Variants in LINGO1 observed in about 807,000 individuals in gnomAD.
The protein encoded by LINGO1 is leucine-rich repeat and immunoglobulin-like domain-containing nogo receptor-interacting protein 1.
LINGO1 carries 11 observed loss-of-function variants against 37.3 expected under a neutral mutation model. That is an observed-to-expected ratio of 0.29 (90% CI 0.19 to 0.49). The LOEUF is 0.49. Ranked by LOEUF, LINGO1 falls within the 20% of genes least tolerant of loss-of-function variation. The probability of loss-of-function intolerance (pLI) is 0.99; values close to 1 mark genes in which losing one functional copy is unlikely to be tolerated. For synonymous variants in LINGO1, 387 were observed against 403.0 expected, an observed-to-expected ratio of 0.96 and a Z score of 0.48; for missense variants, 585 against 878.2, an observed-to-expected ratio of 0.67 and a Z score of 4.22.
chr15:77,678,583 G>A (rs987116351), intron 2 of LINGO1, among the ~76,000 whole-genome samples: 1 of 152,186 alleles, frequency 6.6e-6, no homozygotes, highest in Non-Finnish European at 1.5e-5. Context: ...CATTTGTGTT[G>A]TTTCCAGTTT....
intron 1 of LINGO1, among the ~76,000 whole-genome samples, chr15:77,747,376 C>T (rs1444798371): frequency 6.6e-6 from 1 of 152,158 alleles, no homozygotes; most frequent in Non-Finnish European, 1.5e-5. Flanking sequence ...ATCCATCATG[C>T]TCAGCTCAGC....
intron 2 of LINGO1, among the ~76,000 whole-genome samples, chr15:77,677,377 T>C (rs1002733622): frequency 6.6e-6 from 1 of 151,978 alleles, no homozygotes; most frequent in Non-Finnish European, 1.5e-5. Flanking sequence ...CAGCCCTTAA[T>C]GGATCACACC....
intron 1 of LINGO1, among the ~76,000 whole-genome samples, chr15:77,738,309 AG>A (rs1180578784): frequency 1.3e-5 from 2 of 152,272 alleles, no homozygotes; most frequent in African/African-American, 4.8e-5. Context: ...CCCTGCCATA[AG>A]CCCATGGTAC....
chr15:77,728,519 A>G (rs2076124819), intron 2 of LINGO1, among the ~76,000 whole-genome samples: 1 of 152,104 alleles, frequency 6.6e-6, no homozygotes, highest in African/African-American at 2.4e-5. Context: ...GCCTCCAGGG[A>G]GGGGTCTGAG....
At chr15:77,646,723 G>A (rs1358819974) in intron 3 of LINGO1, among the ~76,000 whole-genome samples, 2 of 152,240 alleles carry the variant, frequency 1.3e-5, no homozygotes, top group African/African-American at 4.8e-5. Context: ...ACCCCAGGAA[G>A]GGATGGAGCT....
chr15:77,792,595 G>C (rs960264612), intron 2 of LINGO1, among the ~76,000 whole-genome samples: 1 of 152,070 alleles, frequency 6.6e-6, no homozygotes, highest in African/African-American at 2.4e-5. Context: ...AAGGGCTCCA[G>C]AGAAGGGCTC....
At chr15:77,702,416 G>A (rs1484718122) in intron 2 of LINGO1, among the ~76,000 whole-genome samples, 1 of 152,124 alleles carries the variant, frequency 6.6e-6, no homozygotes, top group African/African-American at 2.4e-5. Flanking sequence ...CCTGGGGTCA[G>A]GTATCACAGA....
At chr15:77,682,518 C>T (rs1208300502) in intron 2 of LINGO1, among the ~76,000 whole-genome samples, 1 of 152,058 alleles carries the variant, frequency 6.6e-6, no homozygotes, top group African/African-American at 2.4e-5. Flanking sequence ...AGTCCTGTCC[C>T]CAACTAAGGG....
intron 1 of LINGO1, among the ~76,000 whole-genome samples, chr15:77,620,774 C>G (rs1445379198): frequency 6.6e-6 from 1 of 152,162 alleles, no homozygotes; most frequent in African/African-American, 2.4e-5. Context: ...ATGGTGGGCT[C>G]CCTTCCTTGG....
At chr15:77,660,870 G>C (rs542599645) in intron 3 of LINGO1, among the ~76,000 whole-genome samples, 1 of 152,322 alleles carries the variant, frequency 6.6e-6, no homozygotes, top group South Asian at 2.1e-4. Flanking sequence ...CAAGACAGGC[G>C]GGAGGGATGG....
rs146195548 is a variant in LINGO1, at chr15:77,741,055, A to G, written c.-256-6002T>C. 1.8e-4 allele frequency among the ~76,000 whole-genome samples: 28 copies of G among 152,242 alleles called. No homozygotes were observed. The East Asian group carries it at 5.4e-3, about 29-fold the overall frequency. ...ACACCAGGAGTCAGGCAGCTACCCT[A>G]CCATGTGGCCAAGGAAGGGAACCAG... On this transcript the variant is annotated intron_variant, in intron 1 of 3. Coordinates refer to the LINGO1 transcript ENST00000561686.
intron 2 of LINGO1, among the ~76,000 whole-genome samples, chr15:77,731,158 T>G (rs1596165612): frequency 6.6e-6 from 1 of 151,900 alleles, no homozygotes; most frequent in African/African-American, 2.4e-5. Context: ...CAGGCTGGGG[T>G]GGGGGCAGAG....
intron 3 of LINGO1, among the ~76,000 whole-genome samples, chr15:77,646,055 C>T (rs771339594): frequency 2.5e-4 from 38 of 152,092 alleles, no homozygotes; most frequent in African/African-American, 8.7e-4. Context: ...GGGGAGTGGG[C>T]GAGATAAAAG....
chr15:77,773,466 T>C (rs1279504254), intron 1 of LINGO1, among the ~76,000 whole-genome samples: 1 of 152,114 alleles, frequency 6.6e-6, no homozygotes, highest in Non-Finnish European at 1.5e-5. Flanking sequence ...AGGTGACAGC[T>C]AGTAGGTGAG....
At chr15:77,665,747 C>A (rs1211725841) in intron 3 of LINGO1, among the ~76,000 whole-genome samples, 1 of 152,248 alleles carries the variant, frequency 6.6e-6, no homozygotes, top group Non-Finnish European at 1.5e-5. Flanking sequence ...TGACCCGCCT[C>A]CAGGCTGCCC....
intron 1 of LINGO1, among the ~76,000 whole-genome samples, chr15:77,741,225 T>C (rs2141348804): frequency 6.6e-6 from 1 of 152,320 alleles, no homozygotes; most frequent in African/African-American, 2.4e-5. Flanking sequence ...CCCTCTAGAT[T>C]TGCTTCTTTG....
chr15:77,667,752 C>T (rs1056746279), intron 3 of LINGO1: 1 of 152,198 alleles, frequency 6.6e-6, no homozygotes, highest in African/African-American at 2.4e-5. Flanking sequence ...TTATTGCCTC[C>T]TGCATCCCTG....
chr15:77,774,731 G>C (rs1445758724), intron 1 of LINGO1, among the ~76,000 whole-genome samples: 2 of 152,184 alleles, frequency 1.3e-5, no homozygotes, highest in African/African-American at 2.4e-5. Context: ...TGGCCATGCA[G>C]CAGAAGGAGA....
chr15:77,692,865 C>T (rs1290812547), intron 1 of LINGO1, among the ~76,000 whole-genome samples: 2 of 152,260 alleles, frequency 1.3e-5, no homozygotes, highest in Non-Finnish European at 2.9e-5. Flanking sequence ...CAGCCAGCCC[C>T]ATTCCACAGG....
Sources: allele counts gnomAD v4.1 joint callset (sites outside exome capture counted in the v4.1 genomes callset), GRCh38; gene constraint gnomAD v4.1.1; transcripts MANE v1.5; gene names NCBI Gene and HGNC (gene_info 2026-07-23, HGNC 2026-07-21).